SULF1: variants seen among roughly 807,000 people sequenced by gnomAD.
SULF1 encodes extracellular sulfatase Sulf-1.
Under a neutral mutation model 110.5 loss-of-function variants are expected in SULF1, and 46 were observed. The ratio of observed to expected loss-of-function variants is 0.42; its 90% CI spans 0.33 to 0.53. The LOEUF is 0.53. Among genes scored for constraint, SULF1 ranks in the 20% least tolerant of loss-of-function variants. The pLI is 0.12. For missense variants in SULF1, 941 were observed against 1,094.2 expected (o/e 0.86, Z 1.98); for synonymous variants, 371 against 387.1 (o/e 0.96, Z 0.49).
At chr8:69,611,780 G>A (rs117727661) in intron 13 of SULF1, among the ~76,000 whole-genome samples, 2 of 152,312 alleles carry the variant, frequency 1.3e-5, no homozygotes, top group Non-Finnish European at 2.9e-5. Context: ...AAGAACTAGT[G>A]TGTGTTTATG....
Position 69,628,158 on chromosome 8 carries a change from T to G in SULF1, c.2043-13T>G, listed in dbSNP as rs771842579. 1 of 1,609,882 alleles carries G rather than the reference T, an allele frequency of 6.2e-7. No homozygotes were observed. Among genetic ancestry groups the G allele is most frequent in the Admixed American group, 1.7e-5 (1 of 59,966 alleles). ...GGCTATGAAGTCTCACTTTTTAATC[T>G]TCTCTCCTGCAGCTATTACAATAAA... On this transcript the variant is annotated splice_polypyrimidine_tract_variant and intron_variant, in intron 17 of 22. Coordinates refer to ENST00000402687, the MANE Select transcript of SULF1 (RefSeq NM_001128205.2).
chr8:69,490,962 A>C (rs1344109547), upstream of SULF1, among the ~76,000 whole-genome samples: 1 of 152,228 alleles, frequency 6.6e-6, no homozygotes, highest in Non-Finnish European at 1.5e-5. Flanking sequence ...ATTTGCAGTA[A>C]GATCGCTGTC....
intron 18 of SULF1, 86 bp from the exon 19 acceptor site, chr8:69,629,418 T>G (rs1204555200): frequency 5.1e-6 from 7 of 1,365,502 alleles, no homozygotes; most frequent in Non-Finnish European, 7.0e-6. Flanking sequence ...CATCTAAATA[T>G]TTGTGCAAGA....
chr8:69,614,810 G>T (rs1449236373), intron 13 of SULF1, among the ~76,000 whole-genome samples: 1 of 152,194 alleles, frequency 6.6e-6, no homozygotes, highest in African/African-American at 2.4e-5. Flanking sequence ...AACAACTTAA[G>T]AAATTATTTA....
intron 3 of SULF1, among the ~76,000 whole-genome samples, chr8:69,525,499 G>T (rs1045770726): frequency 6.6e-6 from 1 of 152,138 alleles, no homozygotes; most frequent in Non-Finnish European, 1.5e-5. Context: ...ACCTTGGTTT[G>T]CAAGGAAGTT....
intron 19 of SULF1, among the ~76,000 whole-genome samples, chr8:69,634,273 A>G (rs941643157): frequency 6.6e-6 from 1 of 152,370 alleles, no homozygotes; most frequent in South Asian, 2.1e-4. Flanking sequence ...GTTAATATCA[A>G]ATCTCAAGTA....
intron 3 of SULF1, among the ~76,000 whole-genome samples, chr8:69,513,532 G>A (rs909521697): frequency 5.3e-5 from 8 of 152,202 alleles, no homozygotes; most frequent in African/African-American, 1.7e-4. Context: ...TCAACCTTTG[G>A]TCATAGGAAC....
At chr8:69,603,134 C>G in intron 10 of SULF1, 58 bp from the exon 11 acceptor site, 7 of 1,607,790 alleles carry the variant, frequency 4.4e-6, no homozygotes, top group South Asian at 3.3e-5. Context: ...AAAAGCAGCC[C>G]TAAGTGCCAC....
intron 3 of SULF1, among the ~76,000 whole-genome samples, chr8:69,528,908 C>T (rs575320429): frequency 8.5e-5 from 13 of 152,054 alleles, no homozygotes; most frequent in African/African-American, 2.2e-4. Context: ...CATGAATTCA[C>T]GGATCATAGA....
chr8:69,518,545 A>G (rs1812084873), intron 3 of SULF1, among the ~76,000 whole-genome samples: 1 of 152,266 alleles, frequency 6.6e-6, no homozygotes, highest in Non-Finnish European at 1.5e-5. Context: ...CAGTTAATTC[A>G]CATGAGGATT....
Position 69,624,223 on chromosome 8 carries a change from G to C in SULF1, c.1850+26G>C, listed in dbSNP as rs759875151. ...GTAAGAAAGCTTTATTTGTTCACTA[G>C]GGTTGAGTTCAGAATTACCACCACA... On this transcript the variant is annotated intron_variant, in intron 15 of 22. Transcript: ENST00000402687. 8 of 1,539,656 alleles carry C rather than the reference G, an allele frequency of 5.2e-6. No homozygotes were observed. In the African/African-American group the frequency reaches 1.1e-4, roughly 21 times the overall value.
chr8:69,551,855 G>T (rs1294109445), intron 3 of SULF1, among the ~76,000 whole-genome samples: 1 of 152,176 alleles, frequency 6.6e-6, no homozygotes, highest in Non-Finnish European at 1.5e-5. Context: ...ACTTTGAGAG[G>T]CCAAGGCGGG....
intron 3 of SULF1, among the ~76,000 whole-genome samples, chr8:69,537,344 G>A (rs1445149001): frequency 6.6e-6 from 1 of 152,152 alleles, no homozygotes; most frequent in African/African-American, 2.4e-5. Context: ...CAAGGTATCA[G>A]GCACTTTAAG....
chr8:69,514,061 A>G (rs1811757150), intron 3 of SULF1, among the ~76,000 whole-genome samples: 1 of 152,196 alleles, frequency 6.6e-6, no homozygotes, highest in Non-Finnish European at 1.5e-5. Flanking sequence ...CATCTGTAAC[A>G]TGGAGGTGCT....
At chr8:69,476,454 C>T (rs770439483) in intron 1 of SULF1, among the ~76,000 whole-genome samples, 1 of 152,082 alleles carries the variant, frequency 6.6e-6, no homozygotes, top group African/African-American at 2.4e-5. Context: ...TTTTCAAACT[C>T]GTGCATTATA....
At chr8:69,512,498 A>G (rs182622592) in intron 3 of SULF1, among the ~76,000 whole-genome samples, 1 of 152,336 alleles carries the variant, frequency 6.6e-6, no homozygotes, top group East Asian at 1.9e-4. Flanking sequence ...ACCACTTACC[A>G]GCTTGTGAAT....
intron 1 of SULF1, among the ~76,000 whole-genome samples, chr8:69,479,041 G>A (rs970783046): frequency 1.3e-5 from 2 of 152,196 alleles, no homozygotes; most frequent in African/African-American, 4.8e-5. Context: ...CTCTGGCTCA[G>A]ATTTTTTGTT....
chr8:69,627,841 G>A lies in SULF1; in HGVS notation c.2017G>A (p.Glu673Lys), dbSNP rs1444257969. The A allele has an allele frequency of 1.2e-6, 2 of 1,613,236 alleles. No homozygotes were observed. The highest frequency in any genetic ancestry group is 8.5e-7 in the Non-Finnish European group (1 of 1,179,728). The change falls in exon 17 of 23, where the codon GAG (glutamate) becomes AAG (lysine). Residue 673 changes from glutamate (E) to lysine (K), a missense_variant. Glu to Lys is a moderately conservative substitution (Grantham distance 56, BLOSUM62 1). Transcript: ENST00000402687. ...VRGHLKRRKP[E>K]ECSCSKQSYY... The stretch of plus-strand genomic sequence containing the variant: ...AGGACATCTGAAGAGAAGGAAGCCT[G>A]AGGAATGTAGCTGCAGTAAACAAAG...
chr8:69,624,905 T>G (rs555398510), intron 15 of SULF1, among the ~76,000 whole-genome samples: 1 of 152,354 alleles, frequency 6.6e-6, no homozygotes, highest in East Asian at 1.9e-4. Context: ...GATCTTTGTT[T>G]TCTCTCCCTA....
Sources: gnomAD v4.1 joint callset for allele counts (sites outside exome capture counted in the v4.1 genomes callset) on GRCh38, gnomAD v4.1.1 for gene constraint, MANE v1.5 for transcripts, NCBI Gene and HGNC (gene_info 2026-07-23, HGNC 2026-07-21) for gene names.